The following RAE1 variants were observed in gnomAD, a reference collection of about 807,000 sequenced individuals.
RAE1 encodes the protein mRNA export factor RAE1.
Under a neutral mutation model 52.7 loss-of-function variants are expected in RAE1, and 13 were observed. The observed-to-expected ratio is 0.25, with a 90% CI of 0.16 to 0.39. The LOEUF is 0.39. Ranked by LOEUF, RAE1 falls within the 10% of genes least tolerant of loss-of-function variation. The pLI is 1.00. For missense variants in RAE1, 262 were observed against 459.8 expected, an observed-to-expected ratio of 0.57 and a Z score of 3.93; for synonymous variants, 164 against 153.1, an observed-to-expected ratio of 1.07 and a Z score of -0.52.
intron 4 of RAE1, 69 bp downstream of exon 4, chr20:57,356,607 T>G (rs547128581): frequency 7.3e-7 from 1 of 1,374,198 alleles, no homozygotes; most frequent in African/African-American, 1.4e-5. Flanking sequence ...TATTTAATAA[T>G]CCAAACACAA....
chr20:57,372,441 G>A (rs1393945570), intron 8 of RAE1: 1 of 152,274 alleles, frequency 6.6e-6, no homozygotes, highest in Non-Finnish European at 1.5e-5. Flanking sequence ...GTGGCTCTTG[G>A]TGCAAGTGAC....
At chr20:57,353,350 T>G (rs144041940) in intron 1 of RAE1, among the ~76,000 whole-genome samples, 1 of 152,224 alleles carries the variant, frequency 6.6e-6, no homozygotes, top group African/African-American at 2.4e-5. Flanking sequence ...CTGGTGAGAT[T>G]AGAGTCCCAA....
intron 4 of RAE1, among the ~76,000 whole-genome samples, chr20:57,360,163 G>A (rs1314676719): frequency 6.6e-6 from 1 of 152,110 alleles, no homozygotes; most frequent in Non-Finnish European, 1.5e-5. Flanking sequence ...AGTAGTATTC[G>A]AGGAAGGTGA....
intron 4 of RAE1, chr20:57,359,116 T>A: frequency 1.9e-6 from 2 of 1,065,176 alleles, no homozygotes; most frequent in Non-Finnish European, 2.6e-6. Flanking sequence ...GTTGAATATA[T>A]GTCACTGGGC....
At chr20:57,377,252 C>T (rs573232728) in intron 11 of RAE1, among the ~76,000 whole-genome samples, 3 of 152,342 alleles carry the variant, frequency 2.0e-5, no homozygotes, top group South Asian at 2.1e-4. Flanking sequence ...CCCCACCTCC[C>T]TCTTCCAGTC....
chr20:57,353,018 A>G (rs1482274822), intron 1 of RAE1, among the ~76,000 whole-genome samples: 1 of 152,222 alleles, frequency 6.6e-6, no homozygotes, highest in Non-Finnish European at 1.5e-5. Flanking sequence ...AAGCTGAGGA[A>G]ACTCAAATGC....
At position 57,366,266 on chromosome 20, in the gene RAE1, T is replaced by C. The variant is rs146368203; in HGVS notation, c.376-541T>C. Among the ~76,000 whole-genome samples, 5 of 152,292 alleles carry C rather than the reference T, an allele frequency of 3.3e-5. No individual in the cohort carries two copies. The East Asian group carries it at 7.7e-4, about 24-fold the overall frequency. On this transcript the variant is annotated intron_variant, in intron 5 of 11. Transcript: ENST00000395841. ...TTTTGTGTTAAATTGACTGTTTTGA[T>C]TATGGGTGTATTAGTCCCTTCCTGC...
At chr20:57,373,400 AAT>A in intron 8 of RAE1, 73 bp from the exon 9 acceptor site, 1 of 1,428,362 alleles carries the variant, frequency 7.0e-7, no homozygotes, top group Non-Finnish European at 9.7e-7. Context: ...ATGGGGTAAA[AAT>A]GACTTACCTT....
chr20:57,354,758 C>T lies in RAE1; in HGVS notation c.137C>T (p.Ser46Phe), dbSNP rs2066760112. 6.2e-7 allele frequency: 1 copy of T among 1,604,330 alleles called. No individual in the cohort carries two copies. Among genetic ancestry groups the T allele is most frequent in the Non-Finnish European group, 8.5e-7 (1 of 1,176,096 alleles). ...CCTGATGATAGCATTGGTTGTCTGT[C>T]TTTTAGCCCACCAACCTTGCCGGGG... Reference protein sequence around the residue: ...SSPDDSIGCLSFSPPTLPGNF... With the variant: ...SSPDDSIGCLFFSPPTLPGNF... Residue 46 changes from serine (S) to phenylalanine (F), a missense_variant, in exon 3 of 12, where the codon TCT (serine) becomes TTT (phenylalanine). By Grantham distance (155) the Ser-to-Phe change is radical. Transcript: ENST00000395841.
At chr20:57,368,625 A>G (rs2066991068) in intron 7 of RAE1, 80 bp from the exon 8 acceptor site, 4 of 958,204 alleles carry the variant, frequency 4.2e-6, no homozygotes, top group Non-Finnish European at 6.4e-6. Flanking sequence ...TGTTGTAACC[A>G]AAAATTGATC....
At chr20:57,373,127 G>C (rs2067060782) in intron 8 of RAE1, 1 of 301,506 alleles carries the variant, frequency 3.3e-6, no homozygotes, top group African/African-American at 2.2e-5. Context: ...GACCTCCTGA[G>C]GGGTGTCTGC....
At chr20:57,356,644 G>A (rs955294288) in intron 4 of RAE1, 106 bp downstream of exon 4, 72 of 1,024,816 alleles carry the variant, frequency 7.0e-5, no homozygotes, top group Non-Finnish European at 9.3e-5. Context: ...CATATTGTAG[G>A]AATTCTAAGT....
At chr20:57,363,467 G>A (rs1010191593) in intron 4 of RAE1, among the ~76,000 whole-genome samples, 1 of 152,078 alleles carries the variant, frequency 6.6e-6, no homozygotes, top group Admixed American at 6.6e-5. Context: ...GATCCATGAT[G>A]ACACCACTGC....
At chr20:57,363,256 G>C (rs1307253648) in intron 4 of RAE1, among the ~76,000 whole-genome samples, 1 of 152,156 alleles carries the variant, frequency 6.6e-6, no homozygotes, top group African/African-American at 2.4e-5. Context: ...GGTAGGCTGG[G>C]TGCAGTGGCA....
Position 57,354,823 on chromosome 20 carries a change from G to T in RAE1, c.195+7G>T. 6.3e-7 allele frequency: 1 copy of T among 1,578,236 alleles called. No individual in the cohort carries two copies. The highest frequency in any genetic ancestry group is 1.2e-5 in the South Asian group (1 of 86,742). On this transcript the variant is annotated splice_region_variant and intron_variant, in intron 3 of 11. Transcript: ENST00000395841. Reference sequence around the variant, plus strand: ...AGGATCATGGGCTAATGATGTAAGTGCTCCTTAAATACGTGTTCTAGAAAT... The same window carrying T: ...AGGATCATGGGCTAATGATGTAAGTTCTCCTTAAATACGTGTTCTAGAAAT...
At chr20:57,373,258 G>C (rs546360151) in intron 8 of RAE1, 381 of 561,314 alleles carry the variant, frequency 6.8e-4, no homozygotes, top group Non-Finnish European at 1.0e-3. Flanking sequence ...CAGCGGGGGC[G>C]GGGGAGGAGC....
intron 5 of RAE1, 150 bp from the exon 6 acceptor site, chr20:57,366,657 G>A: frequency 1.4e-6 from 1 of 735,736 alleles, no homozygotes; most frequent in South Asian, 1.6e-5. Context: ...CAGTGAGGAA[G>A]GATTGGTAAA....
Position 57,351,842 on chromosome 20 carries a change from A to C in RAE1, c.-8+420A>C, listed in dbSNP as rs1478676214. On this transcript the variant is annotated intron_variant, in intron 1 of 11. Coordinates refer to ENST00000395841, the MANE Select transcript of RAE1 (RefSeq NM_003610.4). ...TAGCAGTTACCAGTCTCTGAAACTA[A>C]GTCTGTTTCTGTCTTAGCCCGCCAA... 3.0e-6 allele frequency: 3 copies of C among 985,288 alleles called. No homozygotes were observed. The Admixed American group carries it at 1.8e-4, about 61-fold the overall frequency. The allele number at this position is 985,288 out of a possible 1,614,324, so 61.0% of individuals were successfully genotyped here. A position where few individuals can be genotyped will look rare whatever the true frequency, so the allele number is the denominator to read the frequency against.
At chr20:57,367,432 T>C (rs553736249) in intron 7 of RAE1, among the ~76,000 whole-genome samples, 7 of 152,138 alleles carry the variant, frequency 4.6e-5, no homozygotes, top group Non-Finnish European at 2.9e-5. Flanking sequence ...GGGGACTGTT[T>C]CTGAGTGGGA....
Sources: allele counts gnomAD v4.1 joint callset (sites outside exome capture counted in the v4.1 genomes callset), GRCh38; gene constraint gnomAD v4.1.1; transcripts MANE v1.5; gene names NCBI Gene and HGNC (gene_info 2026-07-23, HGNC 2026-07-21).